The following SBF2 variants were observed in gnomAD, a reference collection of about 807,000 sequenced individuals.
SBF2 encodes the protein myotubularin-related protein 13.
In SBF2, 112 loss-of-function variants were observed where a neutral mutation model predicts 225.2. That is an observed-to-expected ratio of 0.50 (90% confidence interval 0.43 to 0.58). The LOEUF (loss-of-function observed/expected upper bound fraction) is 0.58. SBF2 is among the 20% of genes least tolerant of loss of function. The pLI, the probability that SBF2 is intolerant of heterozygous loss-of-function variation, is 0.00. For missense variants in SBF2, 1,996 were observed against 2,206.2 expected, an observed-to-expected ratio of 0.90 and a Z score of 1.91; for synonymous variants, 763 against 773.3, an observed-to-expected ratio of 0.99 and a Z score of 0.22.
chr11:9,913,198 C>A (rs1862790251), intron 16 of SBF2, among the ~76,000 whole-genome samples: 1 of 152,070 alleles, frequency 6.6e-6, no homozygotes, highest in Non-Finnish European at 1.5e-5. Context: ...GTGGGAGGAC[C>A]ATTTGAGTGG....
chr11:10,138,800 T>C (rs967165766), intron 2 of SBF2, among the ~76,000 whole-genome samples: 3 of 152,212 alleles, frequency 2.0e-5, no homozygotes, highest in African/African-American at 7.2e-5. Flanking sequence ...ACATACTCTA[T>C]ATGTTTCAAA....
chr11:10,225,202 C>T (rs1389998240), intron 1 of SBF2, among the ~76,000 whole-genome samples: 1 of 151,818 alleles, frequency 6.6e-6, no homozygotes. Flanking sequence ...TTAAGAAACT[C>T]AACAAATCAC....
chr11:10,276,515 T>C (rs1237314942), intron 1 of SBF2, among the ~76,000 whole-genome samples: 1 of 152,226 alleles, frequency 6.6e-6, no homozygotes, highest in Non-Finnish European at 1.5e-5. Context: ...GTTTATCAAT[T>C]CAGTGCCTTT....
At chr11:9,918,264 G>A (rs981946058) in intron 16 of SBF2, among the ~76,000 whole-genome samples, 1 of 152,138 alleles carries the variant, frequency 6.6e-6, no homozygotes, top group Non-Finnish European at 1.5e-5. Flanking sequence ...GGGGAGCTCT[G>A]TAGTACAAAT....
chr11:10,229,888 G>A (rs1250507231), intron 1 of SBF2, among the ~76,000 whole-genome samples: 12 of 152,180 alleles, frequency 7.9e-5, no homozygotes, highest in African/African-American at 2.9e-4. Flanking sequence ...CTGTCTGGTT[G>A]ATCTGTCTAA....
At chr11:10,071,415 C>T (rs574779910) in intron 2 of SBF2, among the ~76,000 whole-genome samples, 9 of 151,866 alleles carry the variant, frequency 5.9e-5, no homozygotes, top group South Asian at 4.1e-4. Context: ...TACAAGCGCC[C>T]GCAACCACGC....
At chr11:10,081,734 T>C (rs1280557743) in intron 2 of SBF2, among the ~76,000 whole-genome samples, 2 of 144,172 alleles carry the variant, frequency 1.4e-5, no homozygotes, top group African/African-American at 5.1e-5. Flanking sequence ...CACTCCAGCC[T>C]GACCCACAGA....
intron 2 of SBF2, among the ~76,000 whole-genome samples, chr11:10,126,371 C>G (rs538005353): frequency 5.0e-4 from 76 of 152,020 alleles, no homozygotes; most frequent in African/African-American, 1.7e-3. Context: ...TTTACTGTCA[C>G]CGTTGAACTC....
intron 1 of SBF2, among the ~76,000 whole-genome samples, chr11:10,215,964 T>C (rs1322671444): frequency 1.3e-5 from 2 of 152,246 alleles, no homozygotes; most frequent in Non-Finnish European, 2.9e-5. Flanking sequence ...AACTCATTTA[T>C]CTGCTTTTAA....
At chr11:9,910,181 G>A (rs964577164) in intron 16 of SBF2, among the ~76,000 whole-genome samples, 1 of 151,900 alleles carries the variant, frequency 6.6e-6, no homozygotes, top group African/African-American at 2.4e-5. Context: ...ATGATGGACT[G>A]CATATATGAT....
At chr11:10,036,526 T>C (rs574285907) in intron 3 of SBF2, among the ~76,000 whole-genome samples, 1 of 152,290 alleles carries the variant, frequency 6.6e-6, no homozygotes, top group East Asian at 1.9e-4. Context: ...TAAAATCAGA[T>C]ATAGTTAACA....
chr11:10,033,663 A>AACACACACAC (rs66939707), intron 3 of SBF2, among the ~76,000 whole-genome samples: 10,150 of 149,704 alleles, frequency 0.068, 397 homozygotes, highest in Non-Finnish European at 0.074. Flanking sequence ...GCTGTGATTA[A>AACACACACAC]ACACACACAC....
At chr11:9,789,002 G>C in intron 35 of SBF2, 107 bp downstream of exon 35, 1 of 925,222 alleles carries the variant, frequency 1.1e-6, no homozygotes, top group Non-Finnish European at 1.7e-6. Context: ...CATAACCCTA[G>C]CTCAGAGTAA....
intron 2 of SBF2, among the ~76,000 whole-genome samples, chr11:10,054,885 T>A (rs1950195880): frequency 7.2e-6 from 1 of 139,388 alleles, no homozygotes; most frequent in Non-Finnish European, 1.6e-5. Context: ...TTATTTTTAT[T>A]TGTTTGCATG....
At chr11:9,892,836 G>A (rs1860949133) in intron 17 of SBF2, among the ~76,000 whole-genome samples, 2 of 152,058 alleles carry the variant, frequency 1.3e-5, no homozygotes, top group East Asian at 1.9e-4. Flanking sequence ...TGGGATTACA[G>A]GCATGAGCCA....
chr11:10,209,776 T>C (rs60837023), intron 1 of SBF2, among the ~76,000 whole-genome samples: 1,629 of 152,206 alleles, frequency 0.011, 37 homozygotes, highest in African/African-American at 0.037. Context: ...TTCCACTGCA[T>C]ATGACAGAAA....
At chr11:9,957,401 T>C (rs1866243732) in intron 16 of SBF2, 1 of 152,222 alleles carries the variant, frequency 6.6e-6, no homozygotes, top group Non-Finnish European at 1.5e-5. Flanking sequence ...GTGACCTGTA[T>C]GTTGTTTCTC....
chr11:10,000,789 C>G (rs986140886), intron 8 of SBF2, 125 bp downstream of exon 8: 9 of 643,636 alleles, frequency 1.4e-5, no homozygotes, highest in Non-Finnish European at 2.5e-5. Flanking sequence ...TTTCTTCTAT[C>G]CAATCTTTTC....
chr11:9,960,491 AT>A (rs1866493261), intron 16 of SBF2: 1 of 151,994 alleles, frequency 6.6e-6, no homozygotes, highest in Non-Finnish European at 1.5e-5. Flanking sequence ...ATGGTATGTT[AT>A]GTGTACATGT....
Sources: allele counts gnomAD v4.1 joint callset (sites outside exome capture counted in the v4.1 genomes callset), GRCh38; gene constraint gnomAD v4.1.1; transcripts MANE v1.5; gene names NCBI Gene and HGNC (gene_info 2026-07-23, HGNC 2026-07-21).